RASIP1: variants seen among roughly 807,000 people sequenced by gnomAD.
RASIP1 encodes the protein ras-interacting protein 1.
In RASIP1, 20 loss-of-function variants were observed where a neutral mutation model predicts 85.3. That is an observed-to-expected ratio of 0.23 (90% CI 0.17 to 0.34). The LOEUF (loss-of-function observed/expected upper bound fraction) is 0.34. RASIP1 is among the 10% of genes least tolerant of loss of function. The probability of loss-of-function intolerance (pLI) is 1.00; values close to 1 mark genes in which losing one functional copy is unlikely to be tolerated. For synonymous variants in RASIP1, 617 were observed against 647.1 expected (o/e 0.95, Z 0.71); for missense variants, 1,170 against 1,390.9 (o/e 0.84, Z 2.53).
intron 3 of RASIP1, among the ~76,000 whole-genome samples, chr19:48,736,040 A>T (rs1325771602): frequency 1.3e-5 from 2 of 150,520 alleles, no homozygotes; most frequent in Admixed American, 1.3e-4. Context: ...CGAACTCCTG[A>T]CCTTGTGATC....
intron 4 of RASIP1, among the ~76,000 whole-genome samples, chr19:48,730,148 AC>A (rs2033427514): frequency 6.6e-6 from 1 of 150,564 alleles, no homozygotes; most frequent in South Asian, 2.1e-4. Flanking sequence ...CATCCCGAAG[AC>A]CGGCTATGTA....
intron 3 of RASIP1, among the ~76,000 whole-genome samples, chr19:48,736,024 C>T (rs966830608): frequency 6.6e-6 from 1 of 151,418 alleles, no homozygotes; most frequent in Non-Finnish European, 1.5e-5. Flanking sequence ...TCGGACTGGT[C>T]GGTCTCGAAC....
chr19:48,735,394 C>G lies in RASIP1; in HGVS notation c.981G>C (p.Val327=), dbSNP rs770215738. 2 of 1,612,926 alleles carry G rather than the reference C, an allele frequency of 1.2e-6. No individual in the cohort carries two copies. Among genetic ancestry groups the G allele is most frequent in the African/African-American group, 2.7e-5 (2 of 74,926 alleles). ...GCCGCCCCTGAAGGCTAAGCTCCGA[C>G]ACGCTGCGCCGCAAAGACAAGTTTT... is the stretch of plus-strand genomic sequence containing the variant. ...RSENLSLRRS[V]SELSLQGRRR... is the part of the protein sequence containing the mutation. Residue 327 remains valine, a synonymous_variant, in exon 4 of 12, where the codon GTG becomes GTC. Coordinates refer to ENST00000222145, the MANE Select transcript of RASIP1 (RefSeq NM_017805.3).
At chr19:48,723,850 C>G (rs977883342) in intron 10 of RASIP1, among the ~76,000 whole-genome samples, 1 of 151,108 alleles carries the variant, frequency 6.6e-6, no homozygotes, top group Admixed American at 6.6e-5. Flanking sequence ...CTCTGTCGCC[C>G]CGGCTGGAGT....
chr19:48,729,090 C>T lies in RASIP1; in HGVS notation c.1680G>A (p.Val560=). The T allele has an allele frequency of 7.3e-7, 1 of 1,375,554 alleles. No homozygotes were observed. Among genetic ancestry groups the T allele is most frequent in the South Asian group, 1.6e-5 (1 of 62,464 alleles). 85.2% of individuals were successfully genotyped at this position (1,375,554 alleles called of 1,614,324 possible). ...REEEALLGEI[V]RAAAAGSGDL... is the part of the protein sequence containing the mutation. The stretch of plus-strand genomic sequence containing the variant: ...CTCCCGAGCCGGCGGCTGCGGCGCG[C>T]ACGATCTCGCCCAGCAGCGCCTCCT... The change falls in exon 5 of 12, where the codon GTG becomes GTA. Residue 560 remains valine (V), a synonymous_variant. Transcript: ENST00000222145.
In RASIP1 at chr19:48,739,231, G is replaced by A; in HGVS notation, c.552C>T (p.Gly184=). The A allele has an allele frequency of 6.8e-7, 1 of 1,479,578 alleles. No homozygotes were observed. Among genetic ancestry groups the A allele is most frequent in the Non-Finnish European group, 8.9e-7 (1 of 1,122,310 alleles). The allele number at this position is 1,479,578 out of a possible 1,614,324, so 91.7% of individuals were successfully genotyped here. A position where few individuals can be genotyped will look rare whatever the true frequency, so the allele number is the denominator to read the frequency against. The part of the protein sequence containing the change: ...ELVAEALERY[G]LAGSPGGGPG... ...GGCCACCGCCGGGGCTGCCTGCTAG[G>A]CCGTAGCGCTCTAGCGCCTCGGCCA... is the stretch of plus-strand genomic sequence containing the variant. Residue 184 remains glycine, a synonymous_variant, in exon 3 of 12, where the codon GGC becomes GGT. Coordinates refer to ENST00000222145, the MANE Select transcript of RASIP1 (RefSeq NM_017805.3). The surrounding 1 kb of genome is among the most constrained non-coding windows in gnomAD (Gnocchi z 9.2).
intron 4 of RASIP1, among the ~76,000 whole-genome samples, chr19:48,732,322 C>G (rs2033474424): frequency 6.6e-6 from 1 of 150,928 alleles, no homozygotes; most frequent in Admixed American, 6.6e-5. Context: ...GTGGCGCGAT[C>G]TCGGCTCACT....
Position 48,729,516 on chromosome 19 carries a change from C to G in RASIP1, c.1254G>C (p.Gly418=). Residue 418 remains glycine, a synonymous_variant, in exon 5 of 12, where the codon GGG becomes GGC. Coordinates refer to ENST00000222145, the MANE Select transcript of RASIP1 (RefSeq NM_017805.3). ...GRGGNSSGRG[G]SPAPYVDTFL... is the part of the protein sequence containing the mutation. ...AGGTGTCCACATAGGGAGCCGGGGA[C>G]CCCCCGCGGCCAGACGAGTTCCCAC... 1.3e-6 allele frequency: 2 copies of G among 1,597,504 alleles called. No individual in the cohort carries two copies. The highest frequency in any genetic ancestry group is 1.7e-6 in the Non-Finnish European group (2 of 1,172,566).
chr19:48,730,496 C>A (rs749354430), intron 4 of RASIP1, among the ~76,000 whole-genome samples: 1 of 152,074 alleles, frequency 6.6e-6, no homozygotes, highest in Non-Finnish European at 1.5e-5. Flanking sequence ...TCTACCATTT[C>A]TTTCCCTCAA....
intron 4 of RASIP1, among the ~76,000 whole-genome samples, chr19:48,734,249 C>T (rs1018341615): frequency 2.0e-5 from 3 of 151,674 alleles, no homozygotes; most frequent in East Asian, 2.0e-4. Flanking sequence ...GAGCCGAGAT[C>T]GCGCCACTGG....
Position 48,729,263 on chromosome 19 carries a change from G to A in RASIP1, c.1507C>T (p.Leu503=). The change falls in exon 5 of 12, where the codon CTG becomes TTG. Residue 503 remains leucine, a synonymous_variant. Coordinates refer to ENST00000222145, the MANE Select transcript of RASIP1 (RefSeq NM_017805.3). The stretch of plus-strand genomic sequence containing the variant: ...GGCGTGGCCCCGGGGCGCGCGGGCA[G>A]CCACGGCGGCCTCGCAGGCCCCGAG... The part of the protein sequence containing the change: ...GGSGPARPPW[L]PARPGATPPG... 1 of 1,498,830 alleles carries A rather than the reference G, an allele frequency of 6.7e-7. No individual in the cohort carries two copies. The highest frequency in any genetic ancestry group is 2.5e-5 in the Admixed American group (1 of 39,814). The allele number at this position is 1,498,830 out of a possible 1,614,324, so 92.8% of individuals were successfully genotyped here.
intron 4 of RASIP1, among the ~76,000 whole-genome samples, chr19:48,733,118 G>C (rs938953620): frequency 1.3e-5 from 2 of 152,148 alleles, no homozygotes; most frequent in African/African-American, 4.8e-5. Flanking sequence ...AGACCTCCCT[G>C]GGCTCAGGGG....
chr19:48,735,491 G>A lies in RASIP1; in HGVS notation c.884C>T (p.Ala295Val). ...CCCCGGGCCAGGACTGGCCAGCGCT[G>A]CCCCACCCGACGCCGCCCGGGAGCG... ...KNRSRAASGG[A>V]ALASPGPGTG... The change falls in exon 4 of 12, where the codon GCA becomes GTA. Residue 295 changes from alanine to valine, a missense_variant. This residue lies in a region of RASIP1 where 301 missense variants were observed against 294.8 expected (regional missense o/e 1.02). Coordinates refer to ENST00000222145, the MANE Select transcript of RASIP1 (RefSeq NM_017805.3). The A allele has an allele frequency of 1.3e-6, 2 of 1,562,954 alleles. No individual in the cohort carries two copies.
Position 48,739,625 on chromosome 19 carries a change from C to T in RASIP1, c.158G>A (p.Gly53Glu). 1 of 1,435,922 alleles carries T rather than the reference C, an allele frequency of 7.0e-7. No individual in the cohort carries two copies. The allele number at this position is 1,435,922 out of a possible 1,614,324, so 88.9% of individuals were successfully genotyped here. A position where few individuals can be genotyped will look rare whatever the true frequency, so the allele number is the denominator to read the frequency against. The change falls in exon 3 of 12, where the codon GGG becomes GAG. Residue 53 changes from glycine to glutamate, a missense_variant. Physicochemically the swap from Gly to Glu is moderately conservative, Grantham distance 98. Transcript: ENST00000222145. The surrounding 1 kb of genome is among the most constrained non-coding windows in gnomAD (Gnocchi z 9.2). ...AGGTAGCGGCTCGCTGCTGCGGCTC[C>T]CCGTGTCCGACGAAGAAGACCTGGG... Reference protein sequence around the residue: ...ASVKSSSSDTGSRSSEPLPPP... With the variant: ...ASVKSSSSDTESRSSEPLPPP...
intron 4 of RASIP1, among the ~76,000 whole-genome samples, chr19:48,733,680 G>A (rs766599000): frequency 1.3e-5 from 2 of 152,070 alleles, no homozygotes; most frequent in East Asian, 3.9e-4. Context: ...CATGGCAGGC[G>A]CCTATAATCC....
At chr19:48,730,388 T>G (rs574333105) in intron 4 of RASIP1, among the ~76,000 whole-genome samples, 3 of 152,070 alleles carry the variant, frequency 2.0e-5, no homozygotes, top group African/African-American at 7.2e-5. Flanking sequence ...GGTCTCGATC[T>G]CTTGACCTTG....
At position 48,735,370 on chromosome 19, in the gene RASIP1, C is replaced by T; in HGVS notation, c.1005G>A (p.Arg335=). 6.2e-7 allele frequency: 1 copy of T among 1,613,276 alleles called. No homozygotes were observed. The highest frequency in any genetic ancestry group is 8.5e-7 in the Non-Finnish European group (1 of 1,179,866). Residue 335 remains arginine (R), a synonymous_variant, in exon 4 of 12, where the codon CGG becomes CGA. Transcript: ENST00000222145. Reference sequence around the variant, plus strand: ...GTCTCCGCTCCTGCTGCCGCCGCCGCCGCCCCTGAAGGCTAAGCTCCGACA... The same window carrying T: ...GTCTCCGCTCCTGCTGCCGCCGCCGTCGCCCCTGAAGGCTAAGCTCCGACA... ...RSVSELSLQG[R]RRRQQERRQQ...
chr19:48,721,942 A>T lies in RASIP1; in HGVS notation c.2604T>A (p.His868Gln). Residue 868 changes from histidine to glutamine, a missense_variant, in exon 11 of 12, where the codon CAT (histidine) becomes CAA (glutamine). His to Gln is a conservative substitution (Grantham distance 24). Around this residue, in one of 4 missense-constraint regions of RASIP1, gnomAD observed 426 missense variants for 576.2 expected, o/e 0.74. Coordinates refer to ENST00000222145, the MANE Select transcript of RASIP1 (RefSeq NM_017805.3). ...HPTLTPAQLH[H>Q]LLSHYQLGPG... The stretch of plus-strand genomic sequence containing the variant: ...GGCCCAGCTGATAGTGGCTGAGCAG[A>T]TGGTGCAGCTGGGCGGGGGTCAAGG... 1 of 1,577,056 alleles carries T rather than the reference A, an allele frequency of 6.3e-7. No individual in the cohort carries two copies. Among genetic ancestry groups the T allele is most frequent in the South Asian group, 1.1e-5 (1 of 87,328 alleles).
chr19:48,722,129 A>T lies in RASIP1; in HGVS notation c.2545-128T>A, dbSNP rs1401950318. The stretch of plus-strand genomic sequence containing the variant: ...GGCATCTCTGCAGTGTCTTCTGGGC[A>T]CTGTGAAGTCTGTTTATCACCAAAG... On this transcript the variant is annotated intron_variant, in intron 10 of 11. Coordinates refer to ENST00000222145, the MANE Select transcript of RASIP1 (RefSeq NM_017805.3). 6 of 921,572 alleles carry T rather than the reference A, an allele frequency of 6.5e-6. No individual in the cohort carries two copies. The East Asian group carries it at 9.6e-5, about 15-fold the overall frequency. 57.1% of individuals were successfully genotyped at this position (921,572 alleles called of 1,614,324 possible).
Sources: gnomAD v4.1 joint callset for allele counts (sites outside exome capture counted in the v4.1 genomes callset) on GRCh38, gnomAD v4.1.1 for gene constraint, gnomAD v4.1.1 regional missense constraint, Gnocchi (gnomAD v3.1) non-coding constraint, MANE v1.5 for transcripts, NCBI Gene and HGNC (gene_info 2026-07-23, HGNC 2026-07-21) for gene names.